The following TMEM163 variants were observed in gnomAD, a reference collection of about 807,000 sequenced individuals.
The protein encoded by TMEM163 is transmembrane protein 163.
In TMEM163, 17 loss-of-function variants were observed where a neutral mutation model predicts 29.3. The observed-to-expected ratio is 0.58, with a 90% CI of 0.40 to 0.87. The LOEUF is 0.87. TMEM163 is among the 40% of genes least tolerant of loss of function. TMEM163 has a pLI of 0.00. For synonymous variants in TMEM163, 157 were observed against 160.6 expected (o/e 0.98, Z 0.17); for missense variants, 303 against 381.5 (o/e 0.79, Z 1.71).
chr2:134,637,434 C>T (rs1683129303), intron 2 of TMEM163, among the ~76,000 whole-genome samples: 1 of 152,128 alleles, frequency 6.6e-6, no homozygotes, highest in Non-Finnish European at 1.5e-5. Context: ...AGGATGGGCT[C>T]CAGCCATTCT....
At chr2:134,504,379 C>T (rs1447713600) in intron 4 of TMEM163, among the ~76,000 whole-genome samples, 2 of 152,050 alleles carry the variant, frequency 1.3e-5, no homozygotes, top group African/African-American at 4.8e-5. Context: ...TAGGAATCAG[C>T]ACAGACTTGA....
chr2:134,632,891 C>A (rs967572178), intron 2 of TMEM163, among the ~76,000 whole-genome samples: 2 of 151,412 alleles, frequency 1.3e-5, no homozygotes, highest in Non-Finnish European at 2.9e-5. Context: ...GACAGGCACC[C>A]GCCACCACAC....
intron 2 of TMEM163, among the ~76,000 whole-genome samples, chr2:134,671,111 G>C (rs1683986978): frequency 6.6e-6 from 1 of 152,194 alleles, no homozygotes; most frequent in South Asian, 2.1e-4. Context: ...ACTGGGGACT[G>C]CTTCTCCTTT....
intron 2 of TMEM163, among the ~76,000 whole-genome samples, chr2:134,682,873 T>C (rs950483303): frequency 6.6e-5 from 10 of 152,210 alleles, no homozygotes; most frequent in African/African-American, 2.4e-4. Context: ...GCAACCAAGA[T>C]GTCCTTCAGT....
intron 2 of TMEM163, among the ~76,000 whole-genome samples, chr2:134,585,434 G>A (rs940989365): frequency 3.3e-5 from 5 of 152,174 alleles, no homozygotes; most frequent in African/African-American, 1.2e-4. Flanking sequence ...AGAATCAAAT[G>A]AGTTAATACA....
intron 2 of TMEM163, among the ~76,000 whole-genome samples, chr2:134,683,439 AAG>A (rs907186933): frequency 1.3e-5 from 2 of 152,022 alleles, no homozygotes; most frequent in African/African-American, 4.8e-5. Flanking sequence ...AAAAAAAAAA[AAG>A]AAAAGAAAAT....
At chr2:134,540,476 C>T (rs1468912527) in intron 4 of TMEM163, among the ~76,000 whole-genome samples, 1 of 152,266 alleles carries the variant, frequency 6.6e-6, no homozygotes, top group African/African-American at 2.4e-5. Flanking sequence ...TCCCTAACCA[C>T]TTTCTCTCTC....
Position 134,460,485 on chromosome 2 carries a change from C to T in TMEM163, c.668-2312G>A, listed in dbSNP as rs1467220599. ...AGGACAGGAACTTTGTCTCTCCTTG[C>T]AGTATTCGAAGTCCCAGGACAGGGC... On this transcript the variant is annotated intron_variant, in intron 6 of 7. Transcript: ENST00000281924. The surrounding 1 kb of genome is among the most constrained non-coding windows in gnomAD (Gnocchi z 4.3). 6.6e-6 allele frequency among the ~76,000 whole-genome samples: 1 copy of T among 152,172 alleles called. No individual in the cohort carries two copies. Among genetic ancestry groups the T allele is most frequent in the African/African-American group, 2.4e-5 (1 of 41,430 alleles).
In TMEM163 at chr2:134,498,574, C is replaced by T. The variant is rs946116241; in HGVS notation, c.555+4327G>A. On this transcript the variant is annotated intron_variant, in intron 5 of 7. Transcript: ENST00000281924. Reference sequence around the variant, plus strand: ...CTCGAACTCCTGGCCTTAGGTGATCCGCCTGTCTCGGCCTCCCAAAGTGCT... The same window carrying T: ...CTCGAACTCCTGGCCTTAGGTGATCTGCCTGTCTCGGCCTCCCAAAGTGCT... Among the ~76,000 whole-genome samples, 51 of 152,106 alleles carry T rather than the reference C, an allele frequency of 3.4e-4. 1 individual carries two copies. Among genetic ancestry groups the T allele is most frequent in the Non-Finnish European group, 8.8e-5 (6 of 68,028 alleles).
intron 5 of TMEM163, among the ~76,000 whole-genome samples, chr2:134,470,983 G>A (rs569009088): frequency 6.6e-6 from 1 of 152,328 alleles, no homozygotes; most frequent in African/African-American, 2.4e-5. Context: ...ACCAGCCTGG[G>A]CAACATAGCG....
chr2:134,494,992 CCAGGTTCTCCCTCCCTCT>C (rs1342211074), intron 5 of TMEM163, among the ~76,000 whole-genome samples: 3 of 152,022 alleles, frequency 2.0e-5, no homozygotes, highest in Non-Finnish European at 4.4e-5. Context: ...GTTCTCCCTC[CCAGGTTCTCCCTCCCTCT>C]GTCAAACGTT....
chr2:134,686,267 C>T (rs1189080138), intron 2 of TMEM163, among the ~76,000 whole-genome samples: 2 of 152,206 alleles, frequency 1.3e-5, no homozygotes, highest in Admixed American at 6.5e-5. Flanking sequence ...TTTAAGTGAA[C>T]GGCTTATCCA....
At chr2:134,620,786 T>G (rs890306419) in intron 2 of TMEM163, among the ~76,000 whole-genome samples, 1 of 152,034 alleles carries the variant, frequency 6.6e-6, no homozygotes, top group African/African-American at 2.4e-5. Context: ...AGAAAGAAAA[T>G]TGAACTTAAA....
chr2:134,586,010 T>A (rs1681815342), intron 2 of TMEM163, among the ~76,000 whole-genome samples: 1 of 152,106 alleles, frequency 6.6e-6, no homozygotes, highest in South Asian at 2.1e-4. Flanking sequence ...CCCAACAAAG[T>A]CTGGAATGAA....
intron 2 of TMEM163, among the ~76,000 whole-genome samples, chr2:134,709,199 T>C (rs777651921): frequency 2.0e-5 from 3 of 152,190 alleles, no homozygotes; most frequent in Non-Finnish European, 4.4e-5. Context: ...CATTTGTTCA[T>C]AACAGGATTG....
intron 5 of TMEM163, among the ~76,000 whole-genome samples, chr2:134,494,035 C>T (rs1043465277): frequency 5.3e-5 from 8 of 152,228 alleles, no homozygotes; most frequent in East Asian, 1.9e-4. Flanking sequence ...ATCCCCCCAC[C>T]GGAACTAGGC....
chr2:134,678,311 T>C (rs996469847), intron 2 of TMEM163, among the ~76,000 whole-genome samples: 5 of 152,224 alleles, frequency 3.3e-5, no homozygotes, highest in African/African-American at 1.2e-4. Flanking sequence ...CAGATGGCTG[T>C]TGAGCCTCAA....
At chr2:134,543,914 G>A (rs1680727211) in intron 4 of TMEM163, among the ~76,000 whole-genome samples, 1 of 152,174 alleles carries the variant, frequency 6.6e-6, no homozygotes, top group African/African-American at 2.4e-5. Context: ...ACCATTGGGA[G>A]GTACATTGGA....
At chr2:134,587,604 G>A (rs1681851125) in intron 2 of TMEM163, among the ~76,000 whole-genome samples, 1 of 152,158 alleles carries the variant, frequency 6.6e-6, no homozygotes, top group Non-Finnish European at 1.5e-5. Flanking sequence ...CACAGTCAGG[G>A]CATCAAGAAA....
Sources: gnomAD v4.1 joint callset for allele counts (sites outside exome capture counted in the v4.1 genomes callset) on GRCh38, gnomAD v4.1.1 for gene constraint, Gnocchi (gnomAD v3.1) non-coding constraint, MANE v1.5 for transcripts, NCBI Gene and HGNC (gene_info 2026-07-23, HGNC 2026-07-21) for gene names.